Variants in SLF2 observed in about 807,000 individuals in gnomAD.
SLF2 encodes the protein SMC5-SMC6 complex localization factor protein 2.
A neutral mutation model predicts 124.3 loss-of-function variants in SLF2; 68 were observed. That is an observed-to-expected ratio of 0.55 (90% CI 0.45 to 0.67). The LOEUF is 0.67. Ranked by LOEUF, SLF2 falls within the 30% of genes least tolerant of loss-of-function variation. The pLI is 0.00. For synonymous variants in SLF2, 480 were observed against 478.8 expected (o/e 1.00, Z -0.03); for missense variants, 1,246 against 1,373.7 (o/e 0.91, Z 1.47).
At position 100,917,049 on chromosome 10, in the gene SLF2, C is replaced by CT; in HGVS notation, c.665dup (p.Ser223ValfsTer13). The CT allele has an allele frequency of 6.2e-7, 1 of 1,614,186 alleles. No homozygotes were observed. Among genetic ancestry groups the CT allele is most frequent in the Non-Finnish European group, 8.5e-7 (1 of 1,180,046 alleles). Reference sequence around the variant, plus strand: ...CAGAAGCCTTAGCAGCAGGAGCAGCCTGTCCAGGCACCACCCGGAAGAAAG... The same window carrying CT: ...CAGAAGCCTTAGCAGCAGGAGCAGCCTTGTCCAGGCACCACCCGGAAGAAAG... On this transcript the variant is annotated frameshift_variant, in exon 3 of 20. Coordinates refer to ENST00000238961, the MANE Select transcript of SLF2 (RefSeq NM_018121.4). LOFTEE classifies it high-confidence loss of function.
intron 6 of SLF2, chr10:100,926,345 C>G (rs1343104119): frequency 1.9e-5 from 26 of 1,377,710 alleles, no homozygotes; most frequent in Non-Finnish European, 2.3e-5. Flanking sequence ...TGGCTCATGC[C>G]TGTAATCCAG....
At chr10:100,925,841 C>T (rs1224822667) in intron 5 of SLF2, 108 bp from the exon 6 acceptor site, 3 of 1,081,270 alleles carry the variant, frequency 2.8e-6, no homozygotes, top group Non-Finnish European at 3.9e-6. Context: ...TTATCCTGGC[C>T]CAGATTATTG....
chr10:100,958,027 C>T lies in SLF2; in HGVS notation c.3418-1401C>T, dbSNP rs544136657. ...TCTCGACACTGCACTCCAGCCTGGG[C>T]GACAGAGCAAGACTCTGTCTCAAAA... On this transcript the variant is annotated intron_variant, in intron 18 of 19. Coordinates refer to ENST00000238961, the MANE Select transcript of SLF2 (RefSeq NM_018121.4). Among the ~76,000 whole-genome samples, 204 of 151,842 alleles carry T rather than the reference C, an allele frequency of 1.3e-3. 2 individuals carry two copies. The highest frequency in any genetic ancestry group is 5.1e-3 in the Admixed American group (78 of 15,258).
At chr10:100,916,408 A>G (rs907398629) in intron 2 of SLF2, among the ~76,000 whole-genome samples, 162 bp from the exon 3 acceptor site, 3 of 152,140 alleles carry the variant, frequency 2.0e-5, no homozygotes, top group African/African-American at 7.2e-5. Flanking sequence ...AATTTCTCCT[A>G]TACCCCCCAA....
intron 16 of SLF2, 69 bp from the exon 17 acceptor site, chr10:100,950,607 A>C (rs191001979): frequency 1.0e-4 from 136 of 1,330,860 alleles, no homozygotes; most frequent in Admixed American, 7.3e-4. Flanking sequence ...AATTTTCCTA[A>C]TGTGTAAATT....
intron 10 of SLF2, 88 bp from the exon 11 acceptor site, chr10:100,938,507 A>G: frequency 3.1e-6 from 4 of 1,279,354 alleles, no homozygotes; most frequent in Non-Finnish European, 4.3e-6. Context: ...CATTGTAATT[A>G]TTCATGTTTC....
Position 100,936,317 on chromosome 10 carries a change from T to TTTTTG in SLF2, c.2437-1054_2437-1050dup, listed in dbSNP as rs3051169. Among the ~76,000 whole-genome samples the TTTTTG allele has an allele frequency of 1.4e-3, 206 of 148,436 alleles. 1 individual carries two copies. Among genetic ancestry groups the TTTTTG allele is most frequent in the South Asian group, 5.5e-3 (25 of 4,586 alleles). On this transcript the variant is annotated intron_variant, in intron 9 of 19. Coordinates refer to ENST00000238961, the MANE Select transcript of SLF2 (RefSeq NM_018121.4). ...TTTTGAAGTCAATCAGTGATATCTT[T>TTTTTG]TTTTGTTTTGTTTTGTTTTGTTTTG...
chr10:100,920,547 A>T (rs1317425914), intron 4 of SLF2, among the ~76,000 whole-genome samples: 1 of 152,230 alleles, frequency 6.6e-6, no homozygotes, highest in Admixed American at 6.5e-5. Flanking sequence ...ATAAATATAC[A>T]TTTATACTTC....
chr10:100,927,732 A>G (rs1048973492), intron 6 of SLF2, among the ~76,000 whole-genome samples: 7 of 152,122 alleles, frequency 4.6e-5, no homozygotes, highest in South Asian at 2.1e-4. Context: ...CAGTTTCTCC[A>G]CATCTTTGCC....
At chr10:100,915,434 C>T (rs1849396015) in intron 1 of SLF2, among the ~76,000 whole-genome samples, 1 of 152,148 alleles carries the variant, frequency 6.6e-6, no homozygotes, top group Non-Finnish European at 1.5e-5. Flanking sequence ...CTAGATCAGC[C>T]AAATCACCTG....
chr10:100,926,460 C>T (rs556388346), intron 6 of SLF2: 1 of 538,654 alleles, frequency 1.9e-6, no homozygotes, highest in East Asian at 3.4e-5. Context: ...AAAAATTAGC[C>T]AGTCATGGTG....
At position 100,945,428 on chromosome 10, in the gene SLF2, G is replaced by T. The variant is rs757788630; in HGVS notation, c.2856G>T (p.Gln952His). The T allele has an allele frequency of 1.9e-6, 3 of 1,598,628 alleles. No homozygotes were observed. The East Asian group carries it at 6.8e-5, about 36-fold the overall frequency. Residue 952 changes from glutamine (Q) to histidine (H), a missense_variant, in exon 13 of 20, where the codon CAG becomes CAT. This residue lies in a region of SLF2 where 535 missense variants were observed against 632.8 expected (regional missense o/e 0.85). Coordinates refer to ENST00000238961, the MANE Select transcript of SLF2 (RefSeq NM_018121.4). ...TATTTAAAATGAGTTTGGAAAAACA[G>T]CTGAAACAGATTCCTTTAGTAGACT... ...LMLFKMSLEK[Q>H]LKQIPLVDFQ... is the part of the protein sequence containing the mutation.
intron 11 of SLF2, among the ~76,000 whole-genome samples, chr10:100,939,964 C>T (rs1444866747): frequency 6.6e-6 from 1 of 152,130 alleles, no homozygotes; most frequent in Non-Finnish European, 1.5e-5. Context: ...TATGTTTCAT[C>T]ACTTTAAATA....
chr10:100,937,303 G>A (rs1589955622), intron 9 of SLF2, 99 bp from the exon 10 acceptor site: 2 of 868,316 alleles, frequency 2.3e-6, no homozygotes, highest in East Asian at 2.4e-5. Flanking sequence ...GAACTGCTGC[G>A]CCTGGCCTAC....
intron 8 of SLF2, among the ~76,000 whole-genome samples, chr10:100,930,454 A>G (rs947506552): frequency 2.0e-5 from 3 of 152,238 alleles, no homozygotes; most frequent in Admixed American, 2.0e-4. Context: ...TAGAAAACTT[A>G]GTCAATATGA....
intron 5 of SLF2, 57 bp from the exon 6 acceptor site, chr10:100,925,892 A>C: frequency 6.7e-7 from 1 of 1,483,462 alleles, no homozygotes; most frequent in Non-Finnish European, 9.1e-7. Flanking sequence ...TACTTAAAAC[A>C]TCCCAGTTCT....
intron 17 of SLF2, among the ~76,000 whole-genome samples, chr10:100,955,406 A>T (rs1164505835): frequency 1.4e-4 from 21 of 152,144 alleles, no homozygotes; most frequent in African/African-American, 4.3e-4. Flanking sequence ...TTTAACCATT[A>T]TACCTTGGCA....
Position 100,947,789 on chromosome 10 carries a change from T to A in SLF2, c.3062T>A (p.Ile1021Asn). The change falls in exon 15 of 20, where the codon ATT becomes AAT. Residue 1021 changes from isoleucine (I) to asparagine (N), a missense_variant. Physicochemically the swap from Ile to Asn is moderately radical, Grantham distance 149 (BLOSUM62 -3). Coordinates refer to ENST00000238961, the MANE Select transcript of SLF2 (RefSeq NM_018121.4). ...CTGAGACAGTGCCTCAGTCTAGTGATTATTTCAAAGCTTTTGGATGAGAAA... is the reference window on the plus strand; with the variant it reads ...CTGAGACAGTGCCTCAGTCTAGTGAATATTTCAAAGCTTTTGGATGAGAAA... ...RQLRQCLSLV[I>N]ISKLLDEKHE... 3.1e-6 allele frequency: 5 copies of A among 1,611,982 alleles called. No individual in the cohort carries two copies. The highest frequency in any genetic ancestry group is 4.2e-6 in the Non-Finnish European group (5 of 1,179,050).
In SLF2 at chr10:100,926,376, G is replaced by C. The variant is rs368293031; in HGVS notation, c.2042+357G>C. On this transcript the variant is annotated intron_variant, in intron 6 of 19. Coordinates refer to ENST00000238961, the MANE Select transcript of SLF2 (RefSeq NM_018121.4). ...TCCAGTACTTTAGGAGGCCAAAGCA[G>C]GCAAATCTCTTGAGCCCAGGAGTTT... The C allele has an allele frequency of 1.6e-5, 19 of 1,163,620 alleles. No homozygotes were observed. The East Asian group carries it at 4.4e-4, about 27-fold the overall frequency. The allele number at this position is 1,163,620 out of a possible 1,614,324, so 72.1% of individuals were successfully genotyped here. A position where few individuals can be genotyped will look rare whatever the true frequency, so the allele number is the denominator to read the frequency against.
Sources: allele counts gnomAD v4.1 joint callset (sites outside exome capture counted in the v4.1 genomes callset), GRCh38; gene constraint gnomAD v4.1.1; regional missense constraint gnomAD v4.1.1; transcripts MANE v1.5; gene names NCBI Gene and HGNC (gene_info 2026-07-23, HGNC 2026-07-21).